KCND2: variants seen among roughly 807,000 people sequenced by gnomAD.
KCND2 encodes the protein A-type voltage-gated potassium channel KCND2.
A neutral mutation model predicts 54.4 loss-of-function variants in KCND2; 16 were observed. That is an observed-to-expected ratio of 0.29 (90% confidence interval 0.20 to 0.45). The LOEUF is 0.45. KCND2 is among the 20% of genes least tolerant of loss of function. KCND2 has a pLI of 1.00. For missense variants in KCND2, 486 were observed against 824.2 expected (o/e 0.59, Z 5.02); for synonymous variants, 317 against 310.7 (o/e 1.02, Z -0.21).
intron 1 of KCND2, among the ~76,000 whole-genome samples, chr7:120,624,473 C>T (rs1434966326): frequency 6.6e-6 from 1 of 152,046 alleles, no homozygotes; most frequent in Non-Finnish European, 1.5e-5. Context: ...GACAGAAACA[C>T]ATGAAATTAT....
At chr7:120,691,048 G>A (rs1245689329) in intron 1 of KCND2, among the ~76,000 whole-genome samples, 1 of 151,826 alleles carries the variant, frequency 6.6e-6, no homozygotes, top group African/African-American at 2.4e-5. Context: ...CAAGTGCAAA[G>A]GTCCTGAAGC....
At chr7:120,655,478 C>G (rs909075897) in intron 1 of KCND2, among the ~76,000 whole-genome samples, 2 of 151,950 alleles carry the variant, frequency 1.3e-5, no homozygotes, top group African/African-American at 2.4e-5. Context: ...AGAAACAATG[C>G]TGATATAGGC....
intron 1 of KCND2, among the ~76,000 whole-genome samples, chr7:120,722,796 C>G (rs1792684961): frequency 6.6e-6 from 1 of 152,154 alleles, no homozygotes; most frequent in Admixed American, 6.6e-5. Context: ...AACTGACATT[C>G]TCCCCTAAGG....
intron 1 of KCND2, among the ~76,000 whole-genome samples, chr7:120,652,266 G>A (rs1791745072): frequency 6.6e-6 from 1 of 152,090 alleles, no homozygotes; most frequent in South Asian, 2.1e-4. Context: ...AGTAGAGATG[G>A]AGTTTCACCA....
intron 1 of KCND2, among the ~76,000 whole-genome samples, chr7:120,466,451 G>A (rs1409621605): frequency 6.6e-6 from 1 of 152,118 alleles, no homozygotes; most frequent in Non-Finnish European, 1.5e-5. Flanking sequence ...ATGAAGCCAA[G>A]TGTCTTTTTT....
intron 1 of KCND2, among the ~76,000 whole-genome samples, chr7:120,554,164 T>C (rs1194004337): frequency 6.6e-6 from 1 of 152,218 alleles, no homozygotes; most frequent in Non-Finnish European, 1.5e-5. Flanking sequence ...AGTTTAGGAT[T>C]CAAAAGGCAG....
intron 1 of KCND2, among the ~76,000 whole-genome samples, chr7:120,679,465 A>T (rs1792113162): frequency 6.6e-6 from 1 of 151,970 alleles, no homozygotes; most frequent in South Asian, 2.1e-4. Context: ...CAGAAAATTA[A>T]AATGGTTTAA....
intron 1 of KCND2, among the ~76,000 whole-genome samples, chr7:120,493,086 C>G (rs536424892): frequency 5.3e-5 from 8 of 151,802 alleles, no homozygotes; most frequent in Non-Finnish European, 1.2e-4. Flanking sequence ...GACACTAATG[C>G]CTTGGGGGCT....
intron 1 of KCND2, among the ~76,000 whole-genome samples, chr7:120,278,430 A>G (rs144104010): frequency 9.8e-4 from 149 of 151,746 alleles, no homozygotes; most frequent in East Asian, 9.7e-4. Context: ...GGGGCTATTA[A>G]TTTTAATGGA....
At chr7:120,602,222 T>A (rs1792822231) in intron 1 of KCND2, among the ~76,000 whole-genome samples, 1 of 152,178 alleles carries the variant, frequency 6.6e-6, no homozygotes, top group Non-Finnish European at 1.5e-5. Flanking sequence ...AATTCATGAG[T>A]ATTAAATGGG....
At chr7:120,393,302 G>T (rs149153327) in intron 1 of KCND2, among the ~76,000 whole-genome samples, 1 of 151,954 alleles carries the variant, frequency 6.6e-6, no homozygotes, top group Non-Finnish European at 1.5e-5. Flanking sequence ...ATATTGCCTA[G>T]CACAATACCA....
chr7:120,537,996 A>G (rs982892649), intron 1 of KCND2, among the ~76,000 whole-genome samples: 2 of 152,166 alleles, frequency 1.3e-5, no homozygotes, highest in South Asian at 2.1e-4. Flanking sequence ...TGCATCCACA[A>G]CTTGACTGTT....
At chr7:120,535,053 A>G (rs1312845736) in intron 1 of KCND2, among the ~76,000 whole-genome samples, 1 of 152,176 alleles carries the variant, frequency 6.6e-6, no homozygotes, top group East Asian at 1.9e-4. Flanking sequence ...ACATGTCTCA[A>G]TAAATAAGAG....
chr7:120,573,087 G>A (rs1792385739), intron 1 of KCND2, among the ~76,000 whole-genome samples: 1 of 152,008 alleles, frequency 6.6e-6, no homozygotes, highest in South Asian at 2.1e-4. Context: ...GTTGAATCTG[G>A]AATTTTATGG....
intron 1 of KCND2, among the ~76,000 whole-genome samples, chr7:120,399,620 T>G (rs1276873086): frequency 1.3e-5 from 2 of 151,924 alleles, no homozygotes; most frequent in African/African-American, 4.8e-5. Flanking sequence ...CAAAGATTTG[T>G]TTTTTATAAT....
At chr7:120,613,306 A>G (rs995918777) in intron 1 of KCND2, among the ~76,000 whole-genome samples, 8 of 152,122 alleles carry the variant, frequency 5.3e-5, no homozygotes, top group Non-Finnish European at 1.2e-4. Flanking sequence ...CAAGGTAGGC[A>G]GATCACATGA....
chr7:120,610,775 TA>T (rs944501022), intron 1 of KCND2, among the ~76,000 whole-genome samples: 1 of 152,198 alleles, frequency 6.6e-6, no homozygotes, highest in African/African-American at 2.4e-5. Flanking sequence ...TCTCTCTTTT[TA>T]AAAAGTGCAT....
chr7:120,489,351 T>C (rs1035906183), intron 1 of KCND2, among the ~76,000 whole-genome samples: 10 of 151,964 alleles, frequency 6.6e-5, no homozygotes, highest in Admixed American at 1.3e-4. Context: ...AATATACAAA[T>C]TTAAAAATTA....
chr7:120,413,950 C>CTT (rs11375185), intron 1 of KCND2, among the ~76,000 whole-genome samples: 33 of 139,636 alleles, frequency 2.4e-4, no homozygotes, highest in African/African-American at 3.9e-4. Flanking sequence ...AGGCAATTTT[C>CTT]TTTTTTTTTT....
Sources: gnomAD v4.1 joint callset for allele counts (sites outside exome capture counted in the v4.1 genomes callset) on GRCh38, gnomAD v4.1.1 for gene constraint, MANE v1.5 for transcripts, NCBI Gene and HGNC (gene_info 2026-07-23, HGNC 2026-07-21) for gene names.